The following KALRN variants were observed in gnomAD, a reference collection of about 807,000 sequenced individuals.
KALRN encodes the protein kalirin.
In KALRN, 70 loss-of-function variants were observed where a neutral mutation model predicts 353.7. The ratio of observed to expected loss-of-function variants is 0.20; its 90% CI spans 0.16 to 0.24. The LOEUF (loss-of-function observed/expected upper bound fraction) is 0.24. Ranked by LOEUF, KALRN falls within the 10% of genes least tolerant of loss-of-function variation. KALRN has a pLI of 1.00. For missense variants in KALRN, 2,791 were observed against 3,756.7 expected, an observed-to-expected ratio of 0.74 and a Z score of 6.72; for synonymous variants, 1,391 against 1,434.8, an observed-to-expected ratio of 0.97 and a Z score of 0.69.
At chr3:124,661,697 A>G (rs2084898347) in intron 44 of KALRN, among the ~76,000 whole-genome samples, 154 bp from the exon 45 acceptor site, 1 of 152,168 alleles carries the variant, frequency 6.6e-6, no homozygotes, top group Admixed American at 6.5e-5. Flanking sequence ...AGAAAGCCCC[A>G]CACTCTCTGA....
intron 34 of KALRN, among the ~76,000 whole-genome samples, chr3:124,586,137 C>G (rs3851351): frequency 0.29 from 44,043 of 152,040 alleles, 7,104 homozygotes; most frequent in Middle Eastern, 0.4. Flanking sequence ...CTCTAGAAAC[C>G]AGAATTCAGA....
At chr3:124,244,542 C>A (rs1316327736) in intron 3 of KALRN, among the ~76,000 whole-genome samples, 1 of 152,142 alleles carries the variant, frequency 6.6e-6, no homozygotes, top group Non-Finnish European at 1.5e-5. Context: ...TGGCCTAGAG[C>A]TTTTTAAAAA....
Position 124,139,723 on chromosome 3 carries a change from A to T in KALRN, c.74-88267A>T, listed in dbSNP as rs571873771. 5.9e-5 allele frequency among the ~76,000 whole-genome samples: 9 copies of T among 152,320 alleles called. No homozygotes were observed. The South Asian group carries it at 1.7e-3, about 28-fold the overall frequency. ...CTACACTCAAGGATTGGAGAGTGAG[A>T]TAGAACTGTGGGGGATTGGATGTGA... On this transcript the variant is annotated intron_variant, in intron 1 of 59. Coordinates refer to ENST00000682506, the MANE Select transcript of KALRN (RefSeq NM_001388419.1).
At chr3:124,174,470 G>C (rs767736430) in intron 1 of KALRN, among the ~76,000 whole-genome samples, 1 of 152,158 alleles carries the variant, frequency 6.6e-6, no homozygotes, top group Non-Finnish European at 1.5e-5. Context: ...TTATACACAA[G>C]GCTCACTAGC....
intron 1 of KALRN, among the ~76,000 whole-genome samples, chr3:124,130,062 G>A (rs2065110179): frequency 6.6e-6 from 1 of 152,118 alleles, no homozygotes; most frequent in Non-Finnish European, 1.5e-5. Context: ...ACCTATTTTG[G>A]GGACAACTTT....
intron 37 of KALRN, among the ~76,000 whole-genome samples, chr3:124,638,692 C>G (rs566138289): frequency 1.3e-5 from 2 of 152,252 alleles, no homozygotes; most frequent in African/African-American, 4.8e-5. Context: ...GCCTTCACAC[C>G]CAATTGGTCT....
intron 37 of KALRN, among the ~76,000 whole-genome samples, chr3:124,649,790 A>G (rs1034834260): frequency 9.0e-5 from 12 of 132,800 alleles, no homozygotes; most frequent in South Asian, 2.7e-4. Flanking sequence ...CCTGTCTCAA[A>G]ATAGATAGAT....
Position 124,674,474 on chromosome 3 carries a change from C to G in KALRN, c.7053C>G (p.Leu2351=). Residue 2351 remains leucine (L), a synonymous_variant, in exon 49 of 60, where the codon CTC becomes CTG. Coordinates refer to ENST00000682506, the MANE Select transcript of KALRN (RefSeq NM_001388419.1). ...CVSQGEVVQV[L]AVNQQNMCLV... is the part of the protein sequence containing the mutation. ...GCCAAGGTGAGGTGGTCCAGGTCCT[C>G]GCCGTCAACCAGCAGAACATGTGTC... The G allele has an allele frequency of 1.9e-6, 3 of 1,614,048 alleles. No homozygotes were observed. Among genetic ancestry groups the G allele is most frequent in the Non-Finnish European group, 2.5e-6 (3 of 1,180,004 alleles).
intron 51 of KALRN, among the ~76,000 whole-genome samples, chr3:124,690,837 G>A (rs1210207618): frequency 6.6e-6 from 1 of 152,194 alleles, no homozygotes; most frequent in Admixed American, 6.5e-5. Context: ...TTACAGGTGT[G>A]AGCCACCATG....
At chr3:124,153,467 A>G (rs1359112364) in intron 1 of KALRN, among the ~76,000 whole-genome samples, 2 of 150,248 alleles carry the variant, frequency 1.3e-5, no homozygotes, top group East Asian at 3.9e-4. Flanking sequence ...TTATGGCTGC[A>G]TAGTATTCCA....
intron 9 of KALRN, among the ~76,000 whole-genome samples, chr3:124,338,866 A>T (rs2149491352): frequency 6.6e-6 from 1 of 152,234 alleles, no homozygotes; most frequent in African/African-American, 2.4e-5. Context: ...ACTAAAAATT[A>T]TTTTCCATTT....
At chr3:124,066,907 A>G (rs995195180) in intron 1 of KALRN, among the ~76,000 whole-genome samples, 3 of 152,228 alleles carry the variant, frequency 2.0e-5, no homozygotes, top group Admixed American at 6.5e-5. Context: ...TTAGTTTCCC[A>G]GTACTAATAT....
rs562985315 is a variant in KALRN, at chr3:124,543,666, T to C, written c.4936-19177T>C. On this transcript the variant is annotated intron_variant, in intron 33 of 59. Transcript: ENST00000682506. ...GTGGCATTTTCTTTATAAATGAGTTTCCATCAGAAATCAGCAGGTTTTTTT... is the reference window on the plus strand; with the variant it reads ...GTGGCATTTTCTTTATAAATGAGTTCCCATCAGAAATCAGCAGGTTTTTTT... Among the ~76,000 whole-genome samples the C allele has an allele frequency of 2.6e-5, 4 of 151,886 alleles. No homozygotes were observed. The East Asian group carries it at 5.8e-4, about 22-fold the overall frequency.
intron 1 of KALRN, among the ~76,000 whole-genome samples, chr3:124,109,036 TG>T (rs1471982981): frequency 6.6e-6 from 1 of 152,200 alleles, no homozygotes; most frequent in Non-Finnish European, 1.5e-5. Flanking sequence ...CTCCTTCTCC[TG>T]CTTCTCTTAA....
chr3:124,118,556 G>C (rs1332278356), intron 1 of KALRN, among the ~76,000 whole-genome samples: 2 of 152,182 alleles, frequency 1.3e-5, no homozygotes, highest in African/African-American at 2.4e-5. Flanking sequence ...GAAGCCCTCT[G>C]TCCCTCACGT....
chr3:124,126,702 A>G (rs1391835712), intron 1 of KALRN, among the ~76,000 whole-genome samples: 1 of 152,242 alleles, frequency 6.6e-6, no homozygotes, highest in Non-Finnish European at 1.5e-5. Flanking sequence ...TAACTCATGT[A>G]CAGTTTCTTG....
At chr3:124,667,308 G>A (rs773197334) in intron 47 of KALRN, 125 bp downstream of exon 47, 9 of 795,740 alleles carry the variant, frequency 1.1e-5, no homozygotes, top group Non-Finnish European at 1.1e-5. Context: ...CTCCAACTTT[G>A]TAGTTTTCAG....
At chr3:124,599,442 T>C (rs1561385669) in intron 34 of KALRN, among the ~76,000 whole-genome samples, 3 of 152,162 alleles carry the variant, frequency 2.0e-5, no homozygotes, top group African/African-American at 7.2e-5. Context: ...GGGATCCAGA[T>C]TAAAAGAACC....
intron 34 of KALRN, among the ~76,000 whole-genome samples, chr3:124,595,706 A>G (rs1444420760): frequency 6.6e-6 from 1 of 152,198 alleles, no homozygotes; most frequent in Non-Finnish European, 1.5e-5. Context: ...ACCCTTTGAA[A>G]GGAAGAATGT....
Sources: gnomAD v4.1 joint callset for allele counts (sites outside exome capture counted in the v4.1 genomes callset) on GRCh38, gnomAD v4.1.1 for gene constraint, MANE v1.5 for transcripts, NCBI Gene and HGNC (gene_info 2026-07-23, HGNC 2026-07-21) for gene names.